Variants in TARBP1 observed in about 807,000 individuals in gnomAD.
The protein encoded by TARBP1 is tRNA (guanosine(18)-2'-O)-methyltransferase TARBP1.
In TARBP1, 144 loss-of-function variants were observed where a neutral mutation model predicts 178.6. The observed-to-expected ratio is 0.81, with a 90% CI of 0.70 to 0.93. TARBP1 has a LOEUF of 0.93. Ranked by LOEUF, TARBP1 falls within the 40% of genes least tolerant of loss-of-function variation. The probability of loss-of-function intolerance (pLI) is 0.00; values close to 1 mark genes in which losing one functional copy is unlikely to be tolerated. For synonymous variants in TARBP1, 787 were observed against 781.0 expected, an observed-to-expected ratio of 1.01 and a Z score of -0.13; for missense variants, 2,067 against 2,011.7, an observed-to-expected ratio of 1.03 and a Z score of -0.53.
At chr1:234,391,843 T>C (rs1659402848) in intron 29 of TARBP1, 98 bp from the exon 30 acceptor site, 3 of 1,267,196 alleles carry the variant, frequency 2.4e-6, no homozygotes, top group African/African-American at 1.5e-5. Flanking sequence ...TATTTTTCTC[T>C]TTGATATTCT....
intron 26 of TARBP1, among the ~76,000 whole-genome samples, chr1:234,394,872 C>T (rs1659760109): frequency 6.6e-6 from 1 of 152,058 alleles, no homozygotes. Context: ...GGAGGATCAC[C>T]TGAGGTCAGG....
In TARBP1 at chr1:234,433,401, G is replaced by C. The variant is rs1664677887; in HGVS notation, c.2394+9C>G. On this transcript the variant is annotated intron_variant, in intron 14 of 29. Coordinates refer to ENST00000040877, the MANE Select transcript of TARBP1 (RefSeq NM_005646.4). Reference sequence around the variant, plus strand: ...AGATAACTACAAACCTTGAATCAAAGAGGCTTACCTGTCCACTGTCCATCT... The same window carrying C: ...AGATAACTACAAACCTTGAATCAAACAGGCTTACCTGTCCACTGTCCATCT... 1 of 1,610,452 alleles carries C rather than the reference G, an allele frequency of 6.2e-7. No individual in the cohort carries two copies. The highest frequency in any genetic ancestry group is 1.3e-5 in the African/African-American group (1 of 74,572).
chr1:234,463,676 A>G (rs1337300502), intron 6 of TARBP1, among the ~76,000 whole-genome samples, 161 bp downstream of exon 6: 1 of 152,212 alleles, frequency 6.6e-6, no homozygotes, highest in Non-Finnish European at 1.5e-5. Flanking sequence ...TGTACTCAAA[A>G]AAGATACTGT....
Position 234,437,279 on chromosome 1 carries a change from T to C in TARBP1, c.2228A>G (p.Asn743Ser), listed in dbSNP as rs2273872. 0.011 allele frequency: 16,941 copies of C among 1,503,126 alleles called. 816 individuals are homozygous for C. In the East Asian group the frequency reaches 0.15, roughly 13 times the overall value. The allele number at this position is 1,503,126 out of a possible 1,614,324, so 93.1% of individuals were successfully genotyped here. A position where few individuals can be genotyped will look rare whatever the true frequency, so the allele number is the denominator to read the frequency against. The change falls in exon 13 of 30, where the codon AAT (asparagine) becomes AGT (serine). Residue 743 changes from asparagine (N) to serine (S), a missense_variant. Asn to Ser is a conservative substitution (Grantham distance 46). Coordinates refer to ENST00000040877, the MANE Select transcript of TARBP1 (RefSeq NM_005646.4). ...GTTATTCCACTGAATACTTACACTA[T>C]TTAGCTCATTCATAGTAAGTCTTCT... The part of the protein sequence containing the change: ...ILRRLTMNEL[N>S]SVSDLDRCHL...
At chr1:234,398,177 A>G in intron 26 of TARBP1, 1 of 264,818 alleles carries the variant, frequency 3.8e-6, no homozygotes, top group Non-Finnish European at 6.6e-6. Flanking sequence ...TTTTTTTTTT[A>G]AATAGCTTTA....
intron 24 of TARBP1, 22 bp from the exon 25 acceptor site, chr1:234,401,284 T>C (rs1009976715): frequency 2.5e-6 from 4 of 1,582,778 alleles, no homozygotes; most frequent in Non-Finnish European, 3.5e-6. Flanking sequence ...AAATATGGTA[T>C]GAGCCACAGA....
intron 23 of TARBP1, among the ~76,000 whole-genome samples, chr1:234,409,925 C>T (rs1022553215): frequency 6.6e-5 from 10 of 152,136 alleles, no homozygotes; most frequent in Admixed American, 1.3e-4. Flanking sequence ...TGATTTCTGC[C>T]TATCTGTGTG....
chr1:234,466,504 T>A (rs532113485), intron 4 of TARBP1, among the ~76,000 whole-genome samples: 1 of 150,752 alleles, frequency 6.6e-6, no homozygotes, highest in South Asian at 2.1e-4. Flanking sequence ...AGAGTGAGAC[T>A]CTGTCTCAAA....
At chr1:234,441,368 T>G (rs953147969) in intron 12 of TARBP1, among the ~76,000 whole-genome samples, 1 of 152,182 alleles carries the variant, frequency 6.6e-6, no homozygotes, top group Non-Finnish European at 1.5e-5. Flanking sequence ...GGAACTAGAA[T>G]AGCTAAAAAT....
intron 11 of TARBP1, among the ~76,000 whole-genome samples, chr1:234,447,384 T>C (rs1367235503): frequency 7.0e-6 from 1 of 141,994 alleles, no homozygotes; most frequent in African/African-American, 2.6e-5. Flanking sequence ...TATTAAAAAC[T>C]GTTAACCAAC....
intron 6 of TARBP1, among the ~76,000 whole-genome samples, chr1:234,462,692 A>AAAG (rs1414779512): frequency 6.6e-6 from 1 of 150,932 alleles, no homozygotes; most frequent in Non-Finnish European, 1.5e-5. Flanking sequence ...CATCTCAAAA[A>AAAG]AAAAAAAAAA....
chr1:234,433,758 T>G (rs925827420), intron 13 of TARBP1, among the ~76,000 whole-genome samples, 187 bp from the exon 14 acceptor site: 3 of 152,210 alleles, frequency 2.0e-5, no homozygotes, highest in Admixed American at 1.3e-4. Context: ...TTCTCTGTGC[T>G]TACACAGTGA....
At chr1:234,475,100 C>T (rs575460177) in intron 1 of TARBP1, among the ~76,000 whole-genome samples, 1 of 152,326 alleles carries the variant, frequency 6.6e-6, no homozygotes, top group South Asian at 2.1e-4. Context: ...CACATCCATT[C>T]ACCAGCTCTT....
At chr1:234,405,603 C>T (rs772247287) in intron 24 of TARBP1, 3 of 303,734 alleles carry the variant, frequency 9.9e-6, no homozygotes, top group Non-Finnish European at 1.8e-5. Context: ...TCTCAAACAA[C>T]AAAGGATGAC....
chr1:234,447,364 C>T (rs960380755), intron 11 of TARBP1, among the ~76,000 whole-genome samples: 7 of 105,384 alleles, frequency 6.6e-5, no homozygotes, highest in Non-Finnish European at 9.8e-5. Context: ...AAAAAAAAAA[C>T]CTAAGGATTT....
At chr1:234,452,867 T>C (rs1431709560) in intron 9 of TARBP1, among the ~76,000 whole-genome samples, 1 of 138,914 alleles carries the variant, frequency 7.2e-6, no homozygotes. Flanking sequence ...AATGAAGTCT[T>C]AGTAAGCACT....
intron 8 of TARBP1, among the ~76,000 whole-genome samples, chr1:234,458,025 A>G (rs1667460264): frequency 1.3e-5 from 2 of 151,548 alleles, no homozygotes; most frequent in Non-Finnish European, 2.9e-5. Flanking sequence ...AAAAAACACC[A>G]TTCTATAAGA....
chr1:234,470,235 C>A (rs1668903984), intron 3 of TARBP1, among the ~76,000 whole-genome samples: 1 of 152,128 alleles, frequency 6.6e-6, no homozygotes, highest in East Asian at 1.9e-4. Flanking sequence ...CCACTGCACT[C>A]CAGCCTGGGC....
chr1:234,453,546 A>T (rs1354290637), intron 9 of TARBP1, among the ~76,000 whole-genome samples: 1 of 152,046 alleles, frequency 6.6e-6, no homozygotes, highest in Non-Finnish European at 1.5e-5. Context: ...TTCAAAAAAT[A>T]AAATCTATTA....
Sources: allele counts gnomAD v4.1 joint callset (sites outside exome capture counted in the v4.1 genomes callset), GRCh38; gene constraint gnomAD v4.1.1; transcripts MANE v1.5; gene names NCBI Gene and HGNC (gene_info 2026-07-23, HGNC 2026-07-21).